The following ANKS1B variants were observed in gnomAD, a reference collection of about 807,000 sequenced individuals.
ANKS1B encodes the protein ankyrin repeat and sterile alpha motif domain-containing protein 1B.
ANKS1B carries 36 observed loss-of-function variants against 148.3 expected under a neutral mutation model. That is an observed-to-expected ratio of 0.24 (90% confidence interval 0.19 to 0.32). The LOEUF (loss-of-function observed/expected upper bound fraction) is 0.32, where lower values mean the gene tolerates loss of function less well. ANKS1B is among the 10% of genes least tolerant of loss of function. The probability of loss-of-function intolerance (pLI) is 1.00; values close to 1 mark genes in which losing one functional copy is unlikely to be tolerated. For synonymous variants in ANKS1B, 542 were observed against 560.8 expected, an observed-to-expected ratio of 0.97 and a Z score of 0.47; for missense variants, 1,157 against 1,542.6, an observed-to-expected ratio of 0.75 and a Z score of 4.19.
At chr12:99,142,817 G>A (rs1249179123) in intron 15 of ANKS1B, among the ~76,000 whole-genome samples, 5 of 152,026 alleles carry the variant, frequency 3.3e-5, no homozygotes, top group Non-Finnish European at 5.9e-5. Flanking sequence ...TTGATTTGTT[G>A]TGGATGATCT....
At chr12:99,190,670 T>C (rs957931036) in intron 14 of ANKS1B, among the ~76,000 whole-genome samples, 2 of 152,114 alleles carry the variant, frequency 1.3e-5, no homozygotes, top group Admixed American at 6.6e-5. Flanking sequence ...ACCCCCTTCC[T>C]TACACCTTAT....
intron 17 of ANKS1B, among the ~76,000 whole-genome samples, chr12:99,030,253 C>CA (rs1475853180): frequency 6.6e-6 from 1 of 152,210 alleles, no homozygotes; most frequent in African/African-American, 2.4e-5. Flanking sequence ...GAGGCTGCTT[C>CA]AGCCTTGTAT....
intron 10 of ANKS1B, among the ~76,000 whole-genome samples, chr12:99,503,485 ATCT>A (rs2096675482): frequency 6.6e-6 from 1 of 152,078 alleles, no homozygotes; most frequent in African/African-American, 2.4e-5. Flanking sequence ...TTTATTCTTT[ATCT>A]TCAATACCTT....
chr12:99,522,377 T>C (rs1356884642), intron 9 of ANKS1B, among the ~76,000 whole-genome samples: 3 of 152,176 alleles, frequency 2.0e-5, no homozygotes, highest in African/African-American at 7.2e-5. Flanking sequence ...CTACTGTCAA[T>C]TGTGCAATGT....
intron 1 of ANKS1B, among the ~76,000 whole-genome samples, chr12:99,897,760 G>A (rs560367053): frequency 6.6e-5 from 10 of 150,450 alleles, no homozygotes; most frequent in Admixed American, 3.3e-4. Flanking sequence ...CAAGATGAAG[G>A]TCTGAGCTAA....
intron 10 of ANKS1B, among the ~76,000 whole-genome samples, chr12:99,482,487 C>T (rs1183329466): frequency 6.6e-6 from 1 of 151,876 alleles, no homozygotes; most frequent in Non-Finnish European, 1.5e-5. Flanking sequence ...GTTCTTTTTG[C>T]TTAGGGTCAC....
At chr12:99,958,367 G>A (rs2095354712) in intron 1 of ANKS1B, among the ~76,000 whole-genome samples, 1 of 152,092 alleles carries the variant, frequency 6.6e-6, no homozygotes, top group Non-Finnish European at 1.5e-5. Context: ...GCAATGGCAA[G>A]CCACTGATTT....
At chr12:99,790,783 A>G (rs974700705) in intron 4 of ANKS1B, among the ~76,000 whole-genome samples, 2 of 152,118 alleles carry the variant, frequency 1.3e-5, no homozygotes, top group African/African-American at 2.4e-5. Flanking sequence ...AAAATTAAAA[A>G]GCATGAAATT....
intron 15 of ANKS1B, among the ~76,000 whole-genome samples, chr12:99,141,843 G>A (rs559778101): frequency 2.1e-4 from 32 of 151,942 alleles, no homozygotes; most frequent in Middle Eastern, 3.4e-3. Context: ...TAGGCATTTC[G>A]GTTGATTCTC....
At chr12:99,800,462 C>T (rs533270799) in intron 4 of ANKS1B, among the ~76,000 whole-genome samples, 16 of 104,894 alleles carry the variant, frequency 1.5e-4, no homozygotes, top group Admixed American at 4.7e-4. Flanking sequence ...AAAAAAAAAA[C>T]GGAGGAAAAC....
chr12:99,663,349 G>C (rs994652449), intron 8 of ANKS1B, among the ~76,000 whole-genome samples: 7 of 152,064 alleles, frequency 4.6e-5, no homozygotes, highest in African/African-American at 1.7e-4. Context: ...GAACATATTA[G>C]CTATGATCAG....
intron 17 of ANKS1B, among the ~76,000 whole-genome samples, chr12:98,976,988 A>G (rs1312167746): frequency 6.6e-6 from 1 of 152,252 alleles, no homozygotes; most frequent in African/African-American, 2.4e-5. Flanking sequence ...ATTGGAAGGA[A>G]GCAAACAATG....
At chr12:99,760,596 T>G (rs948452284) in intron 8 of ANKS1B, among the ~76,000 whole-genome samples, 3 of 151,582 alleles carry the variant, frequency 2.0e-5, no homozygotes, top group African/African-American at 7.3e-5. Context: ...CTCAAAAAAT[T>G]TTTAAAGATC....
chr12:98,983,030 T>G (rs1417373897), intron 17 of ANKS1B, among the ~76,000 whole-genome samples: 1 of 152,260 alleles, frequency 6.6e-6, no homozygotes, highest in Non-Finnish European at 1.5e-5. Context: ...GTTCCTCATC[T>G]GTATTAGTTT....
intron 17 of ANKS1B, among the ~76,000 whole-genome samples, chr12:99,008,657 A>G (rs2099937564): frequency 6.6e-6 from 1 of 152,200 alleles, no homozygotes; most frequent in African/African-American, 2.4e-5. Flanking sequence ...CAAGAGTGTC[A>G]TTTAGGTAGA....
At chr12:98,851,705 G>C (rs2099527159) in intron 17 of ANKS1B, among the ~76,000 whole-genome samples, 1 of 152,078 alleles carries the variant, frequency 6.6e-6, no homozygotes, top group African/African-American at 2.4e-5. Context: ...AGCTGTTTCT[G>C]TTATGTTGAA....
intron 8 of ANKS1B, among the ~76,000 whole-genome samples, chr12:99,749,008 C>T (rs991859291): frequency 6.6e-6 from 1 of 152,084 alleles, no homozygotes; most frequent in Non-Finnish European, 1.5e-5. Flanking sequence ...TCTAAGCTCC[C>T]TCCATCAGCA....
intron 1 of ANKS1B, among the ~76,000 whole-genome samples, chr12:99,890,496 A>G (rs2093037829): frequency 6.6e-6 from 1 of 151,960 alleles, no homozygotes; most frequent in Non-Finnish European, 1.5e-5. Flanking sequence ...TGCCTTACAG[A>G]TTGTGAACTT....
intron 9 of ANKS1B, among the ~76,000 whole-genome samples, chr12:99,559,884 A>C (rs967242057): frequency 2.6e-5 from 4 of 152,214 alleles, no homozygotes; most frequent in African/African-American, 9.6e-5. Context: ...CAAAAAATGC[A>C]TAAGAAAAAA....
Sources: allele counts gnomAD v4.1 joint callset (sites outside exome capture counted in the v4.1 genomes callset), GRCh38; gene constraint gnomAD v4.1.1; transcripts MANE v1.5; gene names NCBI Gene and HGNC (gene_info 2026-07-23, HGNC 2026-07-21).